The following CILK1 variants were observed in gnomAD, a reference collection of about 807,000 sequenced individuals.
The protein encoded by CILK1 is serine/threonine-protein kinase ICK.
CILK1 carries 47 observed loss-of-function variants against 79.2 expected under a neutral mutation model. That is an observed-to-expected ratio of 0.59 (90% confidence interval 0.47 to 0.76). The LOEUF (loss-of-function observed/expected upper bound fraction) is 0.76. Ranked by LOEUF, CILK1 falls within the 30% of genes least tolerant of loss-of-function variation. CILK1 has a pLI of 0.00. For synonymous variants in CILK1, 266 were observed against 275.9 expected (o/e 0.96, Z 0.36); for missense variants, 660 against 769.5 (o/e 0.86, Z 1.68).
chr6:53,041,015 G>A, intron 2 of CILK1, 121 bp downstream of exon 2: 1 of 755,354 alleles, frequency 1.3e-6, no homozygotes, highest in Non-Finnish European at 2.4e-6. Context: ...CTAACCCACA[G>A]CAATCATTAT....
At chr6:53,034,891 C>G (rs560274219) in intron 3 of CILK1, among the ~76,000 whole-genome samples, 1 of 152,092 alleles carries the variant, frequency 6.6e-6, no homozygotes, top group Non-Finnish European at 1.5e-5. Flanking sequence ...CCTGGATGAG[C>G]TTGCTGGGAG....
intron 1 of CILK1, among the ~76,000 whole-genome samples, chr6:53,041,789 T>C (rs982955171): frequency 6.6e-6 from 1 of 152,170 alleles, no homozygotes; most frequent in African/African-American, 2.4e-5. Flanking sequence ...GGTGTGTGAA[T>C]GTGCCCTGCA....
chr6:53,031,142 T>A lies in CILK1; in HGVS notation c.281A>T (p.Asn94Ile). Reference protein sequence around the residue: ...ENLYQLIKERNKLFPESAIRN... With the variant: ...ENLYQLIKERIKLFPESAIRN... ...TATAGCAGACTCAGGAAACAACTTA[T>A]TTCTGTATGAGGCAGAGGAAAACAA... The change falls in exon 5 of 14, where the codon AAT becomes ATT. Residue 94 changes from asparagine (N) to isoleucine (I), a missense_variant and splice_region_variant. Transcript: ENST00000676107. The A allele has an allele frequency of 6.3e-7, 1 of 1,595,238 alleles. No homozygotes were observed. Among genetic ancestry groups the A allele is most frequent in the South Asian group, 1.1e-5 (1 of 90,712 alleles).
At chr6:53,015,098 CT>C (rs1442218944) in intron 8 of CILK1, among the ~76,000 whole-genome samples, 1 of 152,218 alleles carries the variant, frequency 6.6e-6, no homozygotes, top group East Asian at 1.9e-4. Flanking sequence ...ATTCCTCCAA[CT>C]ATCATCTCCC....
intron 12 of CILK1, among the ~76,000 whole-genome samples, chr6:53,007,183 G>A (rs770683264): frequency 5.9e-5 from 9 of 152,156 alleles, no homozygotes; most frequent in Non-Finnish European, 1.2e-4. Flanking sequence ...TTATAGAAAT[G>A]GAAATTCTAA....
chr6:53,022,031 G>C (rs967930062), intron 5 of CILK1, among the ~76,000 whole-genome samples: 3 of 151,896 alleles, frequency 2.0e-5, no homozygotes, highest in Non-Finnish European at 4.4e-5. Flanking sequence ...AGTTAAAAAA[G>C]TAATAATAAT....
intron 2 of CILK1, among the ~76,000 whole-genome samples, chr6:53,039,231 G>A (rs571186434): frequency 1.3e-5 from 2 of 152,356 alleles, no homozygotes; most frequent in African/African-American, 2.4e-5. Flanking sequence ...CAGGAAGGTA[G>A]AAAATAATTT....
chr6:53,006,282 G>A (rs1055126939), intron 13 of CILK1, 33 bp downstream of exon 13: 4 of 1,604,934 alleles, frequency 2.5e-6, no homozygotes, highest in Admixed American at 1.7e-5. Context: ...CATTTGTTGA[G>A]TAAATTCATG....
Position 53,011,865 on chromosome 6 carries a change from T to C in CILK1, c.1396A>G (p.Ser466Gly). Residue 466 changes from serine to glycine, a missense_variant, in exon 11 of 14, where the codon AGT becomes GGT. Ser to Gly is a moderately conservative substitution (Grantham distance 56). Coordinates refer to ENST00000676107, the MANE Select transcript of CILK1 (RefSeq NM_014920.5). ...TGATATGACGTCTGGGTGGGGGCAC[T>C]GTTTCCTGTGCCCACAGGCTCAGAG... is the stretch of plus-strand genomic sequence containing the variant. The part of the protein sequence containing the change: ...KPSEPVGTGN[S>G]APTQTSYQRR... 2 of 1,614,082 alleles carry C rather than the reference T, an allele frequency of 1.2e-6. No individual in the cohort carries two copies. Among genetic ancestry groups the C allele is most frequent in the East Asian group, 2.2e-5 (1 of 44,876 alleles).
At position 53,028,851 on chromosome 6, in the gene CILK1, AATGTAT is replaced by A. The variant is rs1765744187; in HGVS notation, c.358+2208_358+2213del. Among the ~76,000 whole-genome samples the A allele has an allele frequency of 9.2e-5, 14 of 151,856 alleles. No homozygotes were observed. In the South Asian group the frequency reaches 2.9e-3, roughly 32 times the overall value. ...TGTGTGTGTGTGTGTGTGTAAGATGAATGTATATGTAGGCATATATGCATGTGGGTA... is the reference window on the plus strand; with the variant it reads ...TGTGTGTGTGTGTGTGTGTAAGATGAATGTAGGCATATATGCATGTGGGTA... On this transcript the variant is annotated intron_variant, in intron 5 of 13. Coordinates refer to ENST00000676107, the MANE Select transcript of CILK1 (RefSeq NM_014920.5).
chr6:53,048,484 C>T (rs1319951076), intron 1 of CILK1, among the ~76,000 whole-genome samples: 1 of 152,222 alleles, frequency 6.6e-6, no homozygotes, highest in African/African-American at 2.4e-5. Flanking sequence ...CCAGTCAGCT[C>T]ACAGTCCAAT....
At chr6:53,044,141 C>T (rs554882780) in intron 1 of CILK1, among the ~76,000 whole-genome samples, 1 of 152,190 alleles carries the variant, frequency 6.6e-6, no homozygotes, top group African/African-American at 2.4e-5. Flanking sequence ...AGCAGGGGTC[C>T]CCAAACCCAG....
At position 53,009,569 on chromosome 6, in the gene CILK1, TGATA is replaced by T; in HGVS notation, c.1493-6_1493-3del. The T allele has an allele frequency of 6.2e-7, 1 of 1,604,188 alleles. No homozygotes were observed. The highest frequency in any genetic ancestry group is 1.1e-5 in the South Asian group (1 of 90,846). On this transcript the variant is annotated splice_polypyrimidine_tract_variant and splice_region_variant and intron_variant, in intron 11 of 13. Transcript: ENST00000676107. ...GTATGCCATTTCTTATACTGATCCC[TGATA>T]GAGAAGAAATGATTTTAAAATGCAA...
At chr6:53,057,349 T>C (rs546887963) in intron 1 of CILK1, among the ~76,000 whole-genome samples, 3 of 152,314 alleles carry the variant, frequency 2.0e-5, no homozygotes, top group Admixed American at 6.5e-5. Flanking sequence ...GCCATCGTTA[T>C]ACATTTATTA....
chr6:53,011,669 C>G, intron 11 of CILK1, 100 bp downstream of exon 11: 1 of 1,122,458 alleles, frequency 8.9e-7, no homozygotes, highest in Non-Finnish European at 1.4e-6. Context: ...AGGGAAGCCC[C>G]CTAGTATCTG....
chr6:53,005,387 CAT>C, intron 13 of CILK1, 84 bp from the exon 14 acceptor site: 1 of 1,455,694 alleles, frequency 6.9e-7, no homozygotes, highest in Non-Finnish European at 9.6e-7. Context: ...GTGACAAAAA[CAT>C]GAGAAAATAA....
At chr6:53,010,533 G>T (rs1443881391) in intron 11 of CILK1, among the ~76,000 whole-genome samples, 1 of 152,086 alleles carries the variant, frequency 6.6e-6, no homozygotes, top group Non-Finnish European at 1.5e-5. Context: ...TTCTTACAAG[G>T]CCCCAAAAAT....
chr6:53,012,137 A>G lies in CILK1; in HGVS notation c.1243T>C (p.Ser415Pro). 6.2e-7 allele frequency: 1 copy of G among 1,614,160 alleles called. No homozygotes were observed. Among genetic ancestry groups the G allele is most frequent in the Non-Finnish European group, 8.5e-7 (1 of 1,180,008 alleles). ...TCATCCAAGTCAGCCCAATCATCTG[A>G]ATCCTTTGTTGACCTGGAAATAAGA... Reference protein sequence around the residue: ...WGLISRSTKDSDDWADLDDLD... With the variant: ...WGLISRSTKDPDDWADLDDLD... Residue 415 changes from serine (S) to proline (P), a missense_variant, in exon 10 of 14, where the codon TCA becomes CCA. Coordinates refer to ENST00000676107, the MANE Select transcript of CILK1 (RefSeq NM_014920.5).
chr6:53,011,917 C>T lies in CILK1; in HGVS notation c.1344G>A (p.Arg448=), dbSNP rs537369360. 1.2e-6 allele frequency: 2 copies of T among 1,614,150 alleles called. No homozygotes were observed. Among genetic ancestry groups the T allele is most frequent in the Non-Finnish European group, 8.5e-7 (1 of 1,180,028 alleles). The change falls in exon 11 of 14, where the codon AGG becomes AGA. Residue 448 remains arginine (R), a splice_region_variant and synonymous_variant. Transcript: ENST00000676107. Reference sequence around the variant, plus strand: ...GCTTCAGGTCCAAAACACTCTCAAACCTGAATGAAGAGAGCATGGCTTGGG... The same window carrying T: ...GCTTCAGGTCCAAAACACTCTCAAATCTGAATGAAGAGAGCATGGCTTGGG... ...KKRQSDDTLC[R]FESVLDLKPS...
Sources: gnomAD v4.1 joint callset for allele counts (sites outside exome capture counted in the v4.1 genomes callset) on GRCh38, gnomAD v4.1.1 for gene constraint, MANE v1.5 for transcripts, NCBI Gene and HGNC (gene_info 2026-07-23, HGNC 2026-07-21) for gene names.